The following GDPD2 variants were observed in gnomAD, a reference collection of about 807,000 sequenced individuals.
The protein encoded by GDPD2 is glycerophosphodiester phosphodiesterase domain containing 2.
A neutral mutation model predicts 49.2 loss-of-function variants in GDPD2; 23 were observed. The ratio of observed to expected loss-of-function variants is 0.47; its 90% CI spans 0.34 to 0.66. The LOEUF is 0.66. Among genes scored for constraint, GDPD2 ranks in the 30% least tolerant of loss-of-function variants. GDPD2 has a pLI of 0.01. For synonymous variants in GDPD2, 167 were observed against 171.4 expected, an observed-to-expected ratio of 0.97 and a Z score of 0.20; for missense variants, 338 against 424.7, an observed-to-expected ratio of 0.80 and a Z score of 1.79.
intron 12 of GDPD2, among the ~76,000 whole-genome samples, chrX:70,431,824 C>T (rs1448323595): frequency 1.8e-5 from 2 of 111,667 alleles, no homozygotes; most frequent in Non-Finnish European, 3.8e-5. Flanking sequence ...TGAGCCAAGA[C>T]TGCCACTGCA....
chrX:70,423,592 T>A (rs1438287257), intron 1 of GDPD2, among the ~76,000 whole-genome samples: 1 of 111,154 alleles, frequency 9.0e-6, no homozygotes, highest in African/African-American at 3.3e-5. Context: ...GGTGCAGGGG[T>A]AGGACCCCAG....
intron 12 of GDPD2, among the ~76,000 whole-genome samples, chrX:70,431,856 CA>C (rs752148410): frequency 7.2e-4 from 72 of 99,390 alleles, no homozygotes; most frequent in African/African-American, 1.7e-3. Context: ...GATCCTGTCT[CA>C]AAAAAAAAAA....
At position 70,426,513 on chromosome X, in the gene GDPD2, C is replaced by A. The variant is rs369984051; in HGVS notation, c.462+44C>A. On this transcript the variant is annotated intron_variant, in intron 6 of 15. Transcript: ENST00000374382. ...GTGTCTAGACGGGAGCCTTGGCTTGCAGCCAACCCTAGAACATATCTCGCT... is the reference window on the plus strand; with the variant it reads ...GTGTCTAGACGGGAGCCTTGGCTTGAAGCCAACCCTAGAACATATCTCGCT... 6 of 1,113,687 alleles carry A rather than the reference C, an allele frequency of 5.4e-6. No individual in the cohort carries two copies. The African/African-American group carries it at 1.1e-4, about 20-fold the overall frequency. The allele number at this position is 1,113,687 out of a possible 1,213,427, so 91.8% of individuals were successfully genotyped here.
intron 10 of GDPD2, among the ~76,000 whole-genome samples, chrX:70,429,179 A>G (rs1436992639): frequency 9.0e-6 from 1 of 111,545 alleles, no homozygotes; most frequent in East Asian, 2.8e-4. Context: ...ACCATGGGTA[A>G]GGGATGTAGG....
intron 10 of GDPD2, among the ~76,000 whole-genome samples, chrX:70,428,214 A>G (rs1052896047): frequency 1.8e-5 from 2 of 111,798 alleles, no homozygotes; most frequent in African/African-American, 6.5e-5. Context: ...ACTATACTTA[A>G]GAGTACCCAT....
chrX:70,425,944 G>A, intron 4 of GDPD2, 88 bp downstream of exon 4: 2 of 878,481 alleles, frequency 2.3e-6, no homozygotes, highest in Non-Finnish European at 3.4e-6. Context: ...GCCACTGAGG[G>A]AGGGGGCTAA....
chrX:70,430,540 C>T (rs2086466511), intron 12 of GDPD2, among the ~76,000 whole-genome samples: 1 of 111,107 alleles, frequency 9.0e-6, no homozygotes, highest in African/African-American at 3.3e-5. Flanking sequence ...GCTAGAGAAG[C>T]AGGCAGGGGC....
intron 10 of GDPD2, among the ~76,000 whole-genome samples, chrX:70,428,350 G>A (rs1195051692): frequency 8.9e-6 from 1 of 112,183 alleles, no homozygotes; most frequent in African/African-American, 3.2e-5. Context: ...TAAGTTCTGA[G>A]CACACTTAAG....
chrX:70,427,125 T>A lies in GDPD2; in HGVS notation c.703-12T>A. ...CCTTCCCTGCTACCTCATCACCTAT[T>A]CCCTTTCCCAGCTGGCTCCCGAGAA... On this transcript the variant is annotated splice_polypyrimidine_tract_variant and intron_variant, in intron 8 of 15. Coordinates refer to ENST00000374382, the MANE Select transcript of GDPD2 (RefSeq NM_017711.4). 1 of 1,195,068 alleles carries A rather than the reference T, an allele frequency of 8.4e-7. No individual in the cohort carries two copies. Among genetic ancestry groups the A allele is most frequent in the Non-Finnish European group, 1.1e-6 (1 of 880,538 alleles).
intron 6 of GDPD2, 77 bp from the exon 7 acceptor site, chrX:70,426,571 C>T: frequency 9.7e-7 from 1 of 1,029,802 alleles, no homozygotes; most frequent in South Asian, 2.0e-5. Flanking sequence ...TAGCTCTGAA[C>T]TCCAGCAGTC....
At chrX:70,425,890 C>A in intron 4 of GDPD2, 34 bp downstream of exon 4, 1 of 950,951 alleles carries the variant, frequency 1.1e-6, no homozygotes, top group Non-Finnish European at 1.5e-6. Context: ...AACCCCACCT[C>A]AGCCTTCCTT....
At position 70,430,058 on chromosome X, in the gene GDPD2, T is replaced by A. The variant is rs1751883176; in HGVS notation, c.1302T>A (p.Asp434Glu). 1 of 1,205,079 alleles carries A rather than the reference T, an allele frequency of 8.3e-7. No individual in the cohort carries two copies. The highest frequency in any genetic ancestry group is 1.7e-5 in the African/African-American group (1 of 57,708). Residue 434 changes from aspartate to glutamate, a missense_variant, in exon 12 of 16, where the codon GAT (aspartate) becomes GAA (glutamate). Physicochemically the swap from Asp to Glu is conservative, Grantham distance 45. This residue lies in a region of GDPD2 where 253 missense variants were observed against 330.4 expected (regional missense o/e 0.77). Transcript: ENST00000374382. ...NLPYQDLPLLDIKALHKDNVS... is the reference protein window; with the variant it reads ...NLPYQDLPLLEIKALHKDNVS... ...CCTATCAAGATCTGCCACTATTGGA[T>A]ATCAAGTGAGTGCTAGAGGAAAGGA...
chrX:70,432,989 C>T (rs371378433), intron 15 of GDPD2, 45 bp from the exon 16 acceptor site: 1 of 1,170,118 alleles, frequency 8.5e-7, no homozygotes, highest in African/African-American at 1.8e-5. Context: ...GTAGCTTTCC[C>T]CTTGCTTAAC....
Position 70,429,663 on chromosome X carries a change from T to G in GDPD2, c.1107T>G (p.Phe369Leu), listed in dbSNP as rs1286345219. The change falls in exon 11 of 16, where the codon TTT (phenylalanine) becomes TTG (leucine). Residue 369 changes from phenylalanine to leucine, a missense_variant. This residue lies in a region of GDPD2 where 253 missense variants were observed against 330.4 expected (regional missense o/e 0.77). Coordinates refer to ENST00000374382, the MANE Select transcript of GDPD2 (RefSeq NM_017711.4). ...PPQNHTYYDTFVIQTLETVLN... is the reference protein window; with the variant it reads ...PPQNHTYYDTLVIQTLETVLN... ...AGAACCACACATACTATGACACTTT[T>G]GTGATCCAGACATTGGAGACTGTGC... The G allele has an allele frequency of 5.0e-6, 6 of 1,208,345 alleles. No homozygotes were observed. The highest frequency in any genetic ancestry group is 5.6e-6 in the Non-Finnish European group (5 of 894,308).
chrX:70,432,193 G>A, intron 12 of GDPD2, 114 bp from the exon 13 acceptor site: 2 of 591,680 alleles, frequency 3.4e-6, no homozygotes, highest in Non-Finnish European at 5.5e-6. Context: ...GAAAGGCAGA[G>A]CTGATACCTC....
At chrX:70,426,190 T>C in intron 5 of GDPD2, 79 bp downstream of exon 5, 4 of 931,003 alleles carry the variant, frequency 4.3e-6, no homozygotes, top group South Asian at 4.0e-5. Flanking sequence ...AGGACCTCAC[T>C]TTTATACCCC....
At position 70,429,519 on chromosome X, in the gene GDPD2, G is replaced by A; in HGVS notation, c.963G>A (p.Pro321=). The A allele has an allele frequency of 5.8e-6, 7 of 1,206,226 alleles. No homozygotes were observed. Among genetic ancestry groups the A allele is most frequent in the Non-Finnish European group, 6.7e-6 (6 of 890,895 alleles). The change falls in exon 11 of 16, where the codon CCG becomes CCA. Residue 321 remains proline, a synonymous_variant. Coordinates refer to ENST00000374382, the MANE Select transcript of GDPD2 (RefSeq NM_017711.4). ...LERRPFWGAK[P]LAGPDQKEAE... is the part of the protein sequence containing the mutation. Reference sequence around the variant, plus strand: ...GGCGACCCTTCTGGGGGGCCAAACCGCTGGCAGGCCCTGATCAGAAAGAGG... The same window carrying A: ...GGCGACCCTTCTGGGGGGCCAAACCACTGGCAGGCCCTGATCAGAAAGAGG...
intron 11 of GDPD2, 52 bp downstream of exon 11, chrX:70,429,766 G>C: frequency 1.9e-6 from 2 of 1,077,844 alleles, no homozygotes; most frequent in Middle Eastern, 2.5e-4. Flanking sequence ...AGGCCATGAT[G>C]ATGAGGATGA....
chrX:70,427,547 C>A, intron 10 of GDPD2, 84 bp downstream of exon 10: 1 of 801,638 alleles, frequency 1.2e-6, no homozygotes, highest in Non-Finnish European at 1.8e-6. Context: ...AGCATTTGCT[C>A]AGCCCTGTGC....
Sources: allele counts gnomAD v4.1 joint callset (sites outside exome capture counted in the v4.1 genomes callset), GRCh38; gene constraint gnomAD v4.1.1; regional missense constraint gnomAD v4.1.1; transcripts MANE v1.5; gene names NCBI Gene and HGNC (gene_info 2026-07-23, HGNC 2026-07-21).